The following SLC26A8 variants were observed in gnomAD, a reference collection of about 807,000 sequenced individuals.
SLC26A8 encodes the protein solute carrier family 26 member 8.
SLC26A8 carries 70 observed loss-of-function variants against 105.0 expected under a neutral mutation model. The ratio of observed to expected loss-of-function variants is 0.67; its 90% CI spans 0.55 to 0.81. The LOEUF (loss-of-function observed/expected upper bound fraction) is 0.81. Among genes scored for constraint, SLC26A8 ranks in the 40% least tolerant of loss-of-function variants. The probability of loss-of-function intolerance (pLI) is 0.00; values close to 1 mark genes in which losing one functional copy is unlikely to be tolerated. For synonymous variants in SLC26A8, 415 were observed against 438.3 expected (o/e 0.95, Z 0.66); for missense variants, 998 against 1,181.8 (o/e 0.84, Z 2.28).
intron 3 of SLC26A8, among the ~76,000 whole-genome samples, chr6:36,005,513 C>T (rs539917014): frequency 1.3e-5 from 2 of 152,164 alleles, no homozygotes; most frequent in Non-Finnish European, 2.9e-5. Context: ...AAACACTCCT[C>T]AATTTCGGTT....
chr6:35,992,609 A>G lies in SLC26A8; in HGVS notation c.693T>C (p.Ala231=), dbSNP rs1581674714. ...ATYLPESAMS[A]YLAAVALHIM... is the part of the protein sequence containing the mutation. ...TATGAAGTGCCACAGCAGCCAGGTA[A>G]GCACTCATTGCAGACTCCGGAAGGT... The change falls in exon 6 of 20, where the codon GCT becomes GCC. Residue 231 remains alanine (A), a synonymous_variant. Transcript: ENST00000490799. 1 of 1,614,194 alleles carries G rather than the reference A, an allele frequency of 6.2e-7. No individual in the cohort carries two copies. The highest frequency in any genetic ancestry group is 8.5e-7 in the Non-Finnish European group (1 of 1,180,016).
At chr6:35,976,622 G>C (rs971283562) in intron 9 of SLC26A8, among the ~76,000 whole-genome samples, 1 of 147,652 alleles carries the variant, frequency 6.8e-6, no homozygotes, top group Non-Finnish European at 1.5e-5. Flanking sequence ...CTCGCTGCAA[G>C]TTCCGCCTCC....
Position 35,981,997 on chromosome 6 carries a change from T to C in SLC26A8, c.1025+124A>G, listed in dbSNP as rs890506674. ...CCTTCTCCTTTCATGAACCTCTGTG[T>C]TCAAAAATGAATTTTGCTTTGGCCA... On this transcript the variant is annotated intron_variant, in intron 8 of 19. Coordinates refer to ENST00000490799, the MANE Select transcript of SLC26A8 (RefSeq NM_052961.4). The surrounding 1 kb of genome is among the most constrained non-coding windows in gnomAD (Gnocchi z 4.0). The C allele has an allele frequency of 1.6e-5, 15 of 933,862 alleles. No homozygotes were observed. Among genetic ancestry groups the C allele is most frequent in the Non-Finnish European group, 2.5e-5 (15 of 605,216 alleles). 57.8% of individuals were successfully genotyped at this position (933,862 alleles called of 1,614,324 possible).
chr6:35,944,180 A>G lies in SLC26A8; in HGVS notation c.2633T>C (p.Leu878Pro). ...QEAGLGLDLD[L>P]DRELEPEMEP... ...CATTTCAGGCTCCAGCTCCCGATCCAGGTCTAGGTCCAGACCCAGCCCAGC... is the reference window on the plus strand; with the variant it reads ...CATTTCAGGCTCCAGCTCCCGATCCGGGTCTAGGTCCAGACCCAGCCCAGC... The change falls in exon 20 of 20, where the codon CTG becomes CCG. Residue 878 changes from leucine (L) to proline (P), a missense_variant. By Grantham distance (98) the Leu-to-Pro change is moderately conservative. Transcript: ENST00000490799. 1.2e-6 allele frequency: 2 copies of G among 1,614,092 alleles called. No individual in the cohort carries two copies. Among genetic ancestry groups the G allele is most frequent in the Non-Finnish European group, 1.7e-6 (2 of 1,179,996 alleles).
intron 16 of SLC26A8, among the ~76,000 whole-genome samples, chr6:35,956,273 G>T (rs1304964456): frequency 6.6e-6 from 1 of 150,606 alleles, no homozygotes; most frequent in Non-Finnish European, 1.5e-5. Flanking sequence ...GTGCCCCCCT[G>T]CCCCCTCCCC....
chr6:35,976,824 G>C (rs1013026948), intron 9 of SLC26A8, among the ~76,000 whole-genome samples: 1 of 152,030 alleles, frequency 6.6e-6, no homozygotes, highest in South Asian at 2.1e-4. Context: ...GATTACAGAC[G>C]TGAGCCACTA....
intron 7 of SLC26A8, among the ~76,000 whole-genome samples, chr6:35,986,938 C>T (rs1773546400): frequency 6.6e-6 from 1 of 152,130 alleles, no homozygotes; most frequent in African/African-American, 2.4e-5. Context: ...CATGAGAGTG[C>T]AGGTATCTAC....
intron 16 of SLC26A8, among the ~76,000 whole-genome samples, chr6:35,957,585 A>T (rs1030626739): frequency 6.8e-6 from 1 of 147,690 alleles, no homozygotes; most frequent in South Asian, 2.1e-4. Context: ...CTCTAGGCAG[A>T]GGGAATTCTC....
intron 3 of SLC26A8, among the ~76,000 whole-genome samples, chr6:36,007,656 G>A (rs1296369747): frequency 6.6e-6 from 1 of 152,120 alleles, no homozygotes; most frequent in East Asian, 1.9e-4. Context: ...ATTAGCTGGA[G>A]GAAGCATATC....
At chr6:36,007,127 C>T (rs1412338870) in intron 3 of SLC26A8, among the ~76,000 whole-genome samples, 1 of 152,014 alleles carries the variant, frequency 6.6e-6, no homozygotes, top group Non-Finnish European at 1.5e-5. Context: ...TATTGGAAGT[C>T]TTAGCTAGTA....
chr6:35,952,480 T>A (rs1175011269), intron 17 of SLC26A8, among the ~76,000 whole-genome samples: 1 of 152,190 alleles, frequency 6.6e-6, no homozygotes, highest in Non-Finnish European at 1.5e-5. Flanking sequence ...AGCAAATCAA[T>A]ATCGACTTTA....
Position 35,943,702 on chromosome 6 carries a change from A to G in SLC26A8, c.*198T>C. 1.4e-6 allele frequency: 1 copy of G among 694,816 alleles called. No individual in the cohort carries two copies. The highest frequency in any genetic ancestry group is 2.8e-5 in the East Asian group (1 of 35,622). The allele number at this position is 694,816 out of a possible 1,614,324, so 43.0% of individuals were successfully genotyped here. Reference sequence around the variant, plus strand: ...GAGCCTGGATAGGGAATTCAGAGATAATTGTTGGCATTTAGTAATGTGATT... The same window carrying G: ...GAGCCTGGATAGGGAATTCAGAGATGATTGTTGGCATTTAGTAATGTGATT... On this transcript the variant is annotated 3_prime_UTR_variant, in exon 20 of 20. Transcript: ENST00000490799.
At position 35,955,506 on chromosome 6, in the gene SLC26A8, C is replaced by T. The variant is rs1426711462; in HGVS notation, c.1878G>A (p.Glu626=). Residue 626 remains glutamate, a synonymous_variant, in exon 17 of 20, where the codon GAG becomes GAA. Transcript: ENST00000490799. ...LEPLPRILYT[E]RFENKLDPEA... The stretch of plus-strand genomic sequence containing the variant: ...CGGGATCCAGTTTATTTTCAAATCG[C>T]TCTGTGTAAAGAATCTGGGACGACA... 6 of 1,613,952 alleles carry T rather than the reference C, an allele frequency of 3.7e-6. No homozygotes were observed. The highest frequency in any genetic ancestry group is 5.1e-6 in the Non-Finnish European group (6 of 1,179,998).
intron 2 of SLC26A8, among the ~76,000 whole-genome samples, chr6:36,017,858 G>A (rs2127375352): frequency 6.6e-6 from 1 of 152,068 alleles, no homozygotes; most frequent in Middle Eastern, 3.4e-3. Context: ...AAAGGACAAA[G>A]GAAATGAATA....
In SLC26A8 at chr6:35,977,113, T is replaced by C. The variant is rs557905953; in HGVS notation, c.1173+91A>G. Reference sequence around the variant, plus strand: ...TCCAAACCATGGTCCAAGTGGCTCTTCAGTTAAAAAAGACTCCTGCTTCAT... The same window carrying C: ...TCCAAACCATGGTCCAAGTGGCTCTCCAGTTAAAAAAGACTCCTGCTTCAT... On this transcript the variant is annotated intron_variant, in intron 9 of 19. Coordinates refer to ENST00000490799, the MANE Select transcript of SLC26A8 (RefSeq NM_052961.4). 195 of 1,407,958 alleles carry C rather than the reference T, an allele frequency of 1.4e-4. 1 individual carries two copies. Among genetic ancestry groups the C allele is most frequent in the Admixed American group, 1.8e-4 (8 of 44,084 alleles). 87.2% of individuals were successfully genotyped at this position (1,407,958 alleles called of 1,614,324 possible).
chr6:35,968,202 T>G (rs552655529), intron 11 of SLC26A8, among the ~76,000 whole-genome samples: 4 of 151,164 alleles, frequency 2.6e-5, no homozygotes, highest in Non-Finnish European at 5.9e-5. Flanking sequence ...TTGAGTGCAG[T>G]GGTGGGATCT....
intron 19 of SLC26A8, 61 bp downstream of exon 19, chr6:35,951,102 C>CCCAACCCCCCACAGCCCACAATA: frequency 7.4e-7 from 1 of 1,356,466 alleles, no homozygotes; most frequent in Non-Finnish European, 1.0e-6. Flanking sequence ...CCACCCCTCA[C>CCCAACCCCCCACAGCCCACAATA]CCATCCCCCC....
intron 13 of SLC26A8, 39 bp downstream of exon 13, chr6:35,960,954 C>T (rs1166034852): frequency 1.2e-6 from 2 of 1,613,850 alleles, no homozygotes; most frequent in Non-Finnish European, 1.7e-6. Context: ...AGTTGGCTTA[C>T]CTTGCCTTGT....
intron 7 of SLC26A8, among the ~76,000 whole-genome samples, chr6:35,985,498 T>G (rs150680431): frequency 6.7e-4 from 101 of 151,640 alleles, no homozygotes; most frequent in African/African-American, 1.1e-3. Flanking sequence ...ATCGAGACCA[T>G]CCTGGCCAAC....
Sources: allele counts gnomAD v4.1 joint callset (sites outside exome capture counted in the v4.1 genomes callset), GRCh38; gene constraint gnomAD v4.1.1; non-coding constraint Gnocchi (gnomAD v3.1); transcripts MANE v1.5; gene names NCBI Gene and HGNC (gene_info 2026-07-23, HGNC 2026-07-21).